CDH23: variants seen among roughly 807,000 people sequenced by gnomAD.
CDH23 encodes cadherin related 23, also known as cadherin-23.
Under a neutral mutation model 317.1 loss-of-function variants are expected in CDH23, and 189 were observed. The ratio of observed to expected loss-of-function variants is 0.60; its 90% CI spans 0.53 to 0.67. The LOEUF (loss-of-function observed/expected upper bound fraction) is 0.67. Among genes scored for constraint, CDH23 ranks in the 30% least tolerant of loss-of-function variants. The probability of loss-of-function intolerance (pLI) is 0.00; values close to 1 mark genes in which losing one functional copy is unlikely to be tolerated. For synonymous variants in CDH23, 1,839 were observed against 1,876.8 expected, an observed-to-expected ratio of 0.98 and a Z score of 0.52; for missense variants, 4,401 against 4,592.4, an observed-to-expected ratio of 0.96 and a Z score of 1.20.
rs1355615630 is a variant in CDH23, at chr10:71,814,827, G to C, written c.9739-125G>C. ...CTTTGCAGGCAGTTTGAGAAACAGA[G>C]TCTGACAGGCCTGCTGCGGTAGGAG... On this transcript the variant is annotated intron_variant, in intron 69 of 69. Transcript: ENST00000224721. 2.6e-6 allele frequency: 3 copies of C among 1,135,222 alleles called. No individual in the cohort carries two copies. In the African/African-American group the frequency reaches 4.7e-5, roughly 18 times the overall value. 70.3% of individuals were successfully genotyped at this position (1,135,222 alleles called of 1,614,324 possible). A position where few individuals can be genotyped will look rare whatever the true frequency, so the allele number is the denominator to read the frequency against.
Position 71,784,920 on chromosome 10 carries a change from C to G in CDH23, c.5532C>G (p.Ile1844Met). Residue 1844 changes from isoleucine (I) to methionine (M), a missense_variant, in exon 43 of 70, where the codon ATC (isoleucine) becomes ATG (methionine). By Grantham distance (10) the Ile-to-Met change is conservative. Coordinates refer to ENST00000224721, the MANE Select transcript of CDH23 (RefSeq NM_022124.6). ...TGGTGGGGATCCGGGTGCTGGACAT[C>G]AACGACAACGACCCTGTGCTGCTGA... ...TMLVGIRVLD[I>M]NDNDPVLLNL... 6.2e-7 allele frequency: 1 copy of G among 1,614,008 alleles called. No individual in the cohort carries two copies. The highest frequency in any genetic ancestry group is 8.5e-7 in the Non-Finnish European group (1 of 1,179,868).
intron 9 of CDH23, among the ~76,000 whole-genome samples, chr10:71,599,397 G>A (rs1453303152): frequency 2.0e-5 from 3 of 152,240 alleles, no homozygotes; most frequent in Middle Eastern, 3.4e-3. Flanking sequence ...AGGTGACATT[G>A]AGGAATCATT....
chr10:71,575,738 A>G (rs1345388049), intron 8 of CDH23, among the ~76,000 whole-genome samples: 2 of 152,160 alleles, frequency 1.3e-5, no homozygotes, highest in African/African-American at 4.8e-5. Context: ...GCACAGCCGC[A>G]CTTCTCCATC....
intron 1 of CDH23, among the ~76,000 whole-genome samples, chr10:71,420,398 GTGATGGTGATGA>G (rs1848701124): frequency 3.1e-5 from 2 of 64,938 alleles, no homozygotes; most frequent in Non-Finnish European, 6.8e-5. Flanking sequence ...GATGATGATG[GTGATGGTGATGA>G]TGATGGTGAT....
chr10:71,406,517 A>G (rs767526083), intron 1 of CDH23, among the ~76,000 whole-genome samples: 3 of 152,154 alleles, frequency 2.0e-5, no homozygotes, highest in Non-Finnish European at 2.9e-5. Context: ...GGTCCAGACA[A>G]CTGGGAAGAC....
intron 11 of CDH23, among the ~76,000 whole-genome samples, chr10:71,625,293 G>A (rs778780940): frequency 1.3e-4 from 19 of 147,300 alleles, no homozygotes; most frequent in Non-Finnish European, 2.2e-4. Flanking sequence ...ACTGATTCCC[G>A]TTTCAGGCAG....
intron 1 of CDH23, among the ~76,000 whole-genome samples, chr10:71,438,181 A>G (rs181660733): frequency 1.3e-5 from 2 of 151,636 alleles, no homozygotes; most frequent in African/African-American, 4.8e-5. Context: ...TCTCTACTCA[A>G]AATACAAAAA....
At chr10:71,746,879 G>A (rs551843968) in intron 38 of CDH23, among the ~76,000 whole-genome samples, 137 of 152,310 alleles carry the variant, frequency 9.0e-4, no homozygotes, top group African/African-American at 2.9e-3. Flanking sequence ...CCCCAGCAGC[G>A]GCCCCGTGAC....
At chr10:71,671,108 T>C (rs1293206182) in intron 14 of CDH23, among the ~76,000 whole-genome samples, 1 of 152,036 alleles carries the variant, frequency 6.6e-6, no homozygotes, top group Non-Finnish European at 1.5e-5. Context: ...TACAGGCAAT[T>C]GCCACCATGC....
At chr10:71,737,010 G>A (rs1839585310) in intron 34 of CDH23, among the ~76,000 whole-genome samples, 1 of 152,196 alleles carries the variant, frequency 6.6e-6, no homozygotes, top group South Asian at 2.1e-4. Context: ...GCCCTGTGGT[G>A]TGAGGAAACA....
chr10:71,500,038 A>AAT, intron 3 of CDH23, among the ~76,000 whole-genome samples: 1 of 149,794 alleles, frequency 6.7e-6, no homozygotes, highest in Admixed American at 6.6e-5. Context: ...AAAAAAAAAA[A>AAT]GGATAGTGCT....
chr10:71,625,668 TG>T (rs1254507327), intron 11 of CDH23, among the ~76,000 whole-genome samples: 34 of 152,248 alleles, frequency 2.2e-4, no homozygotes, highest in Admixed American at 2.6e-4. Flanking sequence ...TTGTCTGGGC[TG>T]CAGTGCCTCC....
intron 22 of CDH23, among the ~76,000 whole-genome samples, chr10:71,696,781 G>T (rs1189118662): frequency 6.6e-6 from 1 of 152,248 alleles, no homozygotes; most frequent in African/African-American, 2.4e-5. Context: ...TGGAATCTGC[G>T]ATTTTTTTCA....
intron 3 of CDH23, among the ~76,000 whole-genome samples, chr10:71,507,629 G>A (rs1373260319): frequency 6.6e-6 from 1 of 152,234 alleles, no homozygotes; most frequent in East Asian, 1.9e-4. Flanking sequence ...CGAGGTGGAG[G>A]TTGCAGTGAG....
chr10:71,666,270 G>T (rs1285672021), intron 14 of CDH23, among the ~76,000 whole-genome samples: 1 of 151,932 alleles, frequency 6.6e-6, no homozygotes, highest in African/African-American at 2.4e-5. Context: ...AGGCACGAGA[G>T]CCTTTTCCTG....
chr10:71,793,493 C>A lies in CDH23; in HGVS notation c.6565C>A (p.Pro2189Thr). ...QTVSVLESAEPGTVIANITAI... is the reference protein window; with the variant it reads ...QTVSVLESAETGTVIANITAI... The stretch of plus-strand genomic sequence containing the variant: ...AGTGAGCGTGCTGGAGTCGGCTGAG[C>A]CAGGCACTGTCATTGCCAATATCAC... Residue 2189 changes from proline (P) to threonine (T), a missense_variant, in exon 48 of 70, where the codon CCA becomes ACA. By Grantham distance (38) the Pro-to-Thr change is conservative (BLOSUM62 -1). Around this residue, in one of 3 missense-constraint regions of CDH23, gnomAD observed 3,068 missense variants for 3,203.3 expected, o/e 0.96. Coordinates refer to ENST00000224721, the MANE Select transcript of CDH23 (RefSeq NM_022124.6). The A allele has an allele frequency of 6.2e-7, 1 of 1,613,988 alleles. No homozygotes were observed. Among genetic ancestry groups the A allele is most frequent in the Non-Finnish European group, 8.5e-7 (1 of 1,179,890 alleles).
chr10:71,759,460 T>C (rs1166592151), intron 38 of CDH23, among the ~76,000 whole-genome samples: 1 of 151,950 alleles, frequency 6.6e-6, no homozygotes, highest in Non-Finnish European at 1.5e-5. Flanking sequence ...TGAGCTGTGA[T>C]TGCACCACTG....
rs769381881 is a variant in CDH23 at position 71,446,433 on chromosome 10, C to G, written c.145+38C>G. The G allele has an allele frequency of 4.4e-6, 7 of 1,587,862 alleles. No homozygotes were observed. In the East Asian group the frequency reaches 1.6e-4, roughly 35 times the overall value. ...ATGGGCTGGTGGGCGTGCAGATGGC[C>G]TGGGGTGCAATCCCTTCCCACAAGT... On this transcript the variant is annotated intron_variant, in intron 3 of 69. Coordinates refer to ENST00000224721, the MANE Select transcript of CDH23 (RefSeq NM_022124.6).
At chr10:71,446,518 G>A in intron 3 of CDH23, 123 bp downstream of exon 3, 2 of 984,392 alleles carry the variant, frequency 2.0e-6, no homozygotes, top group South Asian at 1.4e-5. Context: ...TTTCCATTGT[G>A]TAGAAAGGCC....
Sources: gnomAD v4.1 joint callset for allele counts (sites outside exome capture counted in the v4.1 genomes callset) on GRCh38, gnomAD v4.1.1 for gene constraint, gnomAD v4.1.1 regional missense constraint, MANE v1.5 for transcripts, NCBI Gene and HGNC (gene_info 2026-07-23, HGNC 2026-07-21) for gene names.